USP38: variants seen among roughly 807,000 people sequenced by gnomAD.
USP38 encodes ubiquitin specific peptidase 38.
In USP38, 49 loss-of-function variants were observed where a neutral mutation model predicts 94.3. That is an observed-to-expected ratio of 0.52 (90% CI 0.41 to 0.66). The LOEUF is 0.66. Among genes scored for constraint, USP38 ranks in the 30% least tolerant of loss-of-function variants. The probability of loss-of-function intolerance (pLI) is 0.00; values close to 1 mark genes in which losing one functional copy is unlikely to be tolerated. For synonymous variants in USP38, 468 were observed against 463.6 expected (o/e 1.01, Z -0.12); for missense variants, 1,128 against 1,229.4 (o/e 0.92, Z 1.23).
At chr4:143,188,981 TATG>T (rs1472733084) in intron 2 of USP38, among the ~76,000 whole-genome samples, 1 of 151,956 alleles carries the variant, frequency 6.6e-6, no homozygotes, top group Non-Finnish European at 1.5e-5. Context: ...TTTGATTAAA[TATG>T]ATAAGTAAAA....
intron 2 of USP38, among the ~76,000 whole-genome samples, chr4:143,194,721 T>C (rs988300047): frequency 6.6e-6 from 1 of 152,208 alleles, no homozygotes; most frequent in Non-Finnish European, 1.5e-5. Context: ...TTGGCCAGGC[T>C]GGTCTCGAAC....
In USP38 at chr4:143,220,923, G is replaced by C. The variant is rs1732308657; in HGVS notation, c.*467G>C. 1 of 152,374 alleles carries C rather than the reference G, an allele frequency of 6.6e-6. No individual in the cohort carries two copies. The highest frequency in any genetic ancestry group is 1.5e-5 in the Non-Finnish European group (1 of 68,102). The allele number at this position is 152,374 out of a possible 1,614,324, so 9.4% of individuals were successfully genotyped here. ...TTCAAGTCCTTGAAAATCAACTAGAGATTATAAAGTCTCTAAAGAAGGCAA... is the reference window on the plus strand; with the variant it reads ...TTCAAGTCCTTGAAAATCAACTAGACATTATAAAGTCTCTAAAGAAGGCAA... On this transcript the variant is annotated 3_prime_UTR_variant, in exon 10 of 10. Transcript: ENST00000307017.
chr4:143,187,444 G>T (rs1027341618), intron 1 of USP38, among the ~76,000 whole-genome samples: 1 of 152,014 alleles, frequency 6.6e-6, no homozygotes, highest in African/African-American at 2.4e-5. Context: ...AAGTTATTTT[G>T]GAGGGTCTGA....
At chr4:143,210,802 T>A (rs1178342572) in intron 7 of USP38, among the ~76,000 whole-genome samples, 1 of 152,030 alleles carries the variant, frequency 6.6e-6, no homozygotes. Context: ...ATGGGAATGC[T>A]TTTGTTTTCT....
chr4:143,213,972 G>T lies in USP38; in HGVS notation c.1996G>T (p.Ala666Ser). Reference sequence around the variant, plus strand: ...AGTAGTTTATAATCCAACAACAGCTGCCTTCATCTGTGACTCACTTGTGAA... The same window carrying T: ...AGTAGTTTATAATCCAACAACAGCTTCCTTCATCTGTGACTCACTTGTGAA... Reference protein sequence around the residue: ...EPVVYNPTTAAFICDSLVNEK... With the variant: ...EPVVYNPTTASFICDSLVNEK... The change falls in exon 9 of 10, where the codon GCC becomes TCC. Residue 666 changes from alanine (A) to serine (S), a missense_variant. Ala to Ser is a moderately conservative substitution (Grantham distance 99). Transcript: ENST00000307017. 1 of 1,613,520 alleles carries T rather than the reference G, an allele frequency of 6.2e-7. No homozygotes were observed. Among genetic ancestry groups the T allele is most frequent in the East Asian group, 2.2e-5 (1 of 44,864 alleles).
chr4:143,209,489 C>CAA (rs111830994), intron 6 of USP38, 75 bp from the exon 7 acceptor site: 300 of 698,276 alleles, frequency 4.3e-4, no homozygotes, highest in Non-Finnish European at 4.8e-4. Context: ...AACTCTGTCT[C>CAA]AAAAAAAAAA....
At chr4:143,193,432 A>G (rs1030769815) in intron 2 of USP38, among the ~76,000 whole-genome samples, 17 of 152,334 alleles carry the variant, frequency 1.1e-4, no homozygotes, top group African/African-American at 4.1e-4. Context: ...CTCTGTACAC[A>G]TATGCAAGTG....
intron 7 of USP38, among the ~76,000 whole-genome samples, chr4:143,210,497 G>T (rs1432665336): frequency 1.3e-5 from 2 of 151,850 alleles, no homozygotes; most frequent in Non-Finnish European, 2.9e-5. Flanking sequence ...TGAGATAGGA[G>T]AATTGCTTGA....
chr4:143,188,287 G>GT (rs923967321), intron 2 of USP38, among the ~76,000 whole-genome samples: 4 of 149,646 alleles, frequency 2.7e-5, no homozygotes, highest in Admixed American at 6.7e-5. Context: ...TTTCTTCTGC[G>GT]TTTTTTTTTC....
intron 5 of USP38, chr4:143,204,324 CGAATCTTTACTT>C (rs1156342001): frequency 1.4e-5 from 6 of 439,524 alleles, no homozygotes; most frequent in African/African-American, 1.0e-4. Context: ...ATCAATGTTT[CGAATCTTTACTT>C]GAATTATTTG....
chr4:143,211,093 T>C (rs1732011939), intron 7 of USP38, among the ~76,000 whole-genome samples: 1 of 151,928 alleles, frequency 6.6e-6, no homozygotes, highest in African/African-American at 2.4e-5. Context: ...AATATATATG[T>C]AGGCAGATAT....
At chr4:143,219,457 G>A (rs1732268626) in intron 9 of USP38, among the ~76,000 whole-genome samples, 1 of 152,014 alleles carries the variant, frequency 6.6e-6, no homozygotes, top group South Asian at 2.1e-4. Context: ...TTGAAAAATC[G>A]AAATAATAGT....
In USP38 at chr4:143,189,737, A is replaced by T. The variant is rs567550513; in HGVS notation, c.818+1776A>T. On this transcript the variant is annotated intron_variant, in intron 2 of 9. Coordinates refer to ENST00000307017, the MANE Select transcript of USP38 (RefSeq NM_032557.6). ...GAAGGTGCTTTGTACGTTTGAGAAA[A>T]CTCTTATGTAAATGTTTTTCCTGTT... 2.6e-5 allele frequency among the ~76,000 whole-genome samples: 4 copies of T among 151,342 alleles called. No homozygotes were observed. The East Asian group carries it at 7.8e-4, about 29-fold the overall frequency.
chr4:143,185,285 C>T lies in USP38; in HGVS notation c.-166C>T. The T allele has an allele frequency of 1.3e-6, 1 of 740,778 alleles. No individual in the cohort carries two copies. The allele number at this position is 740,778 out of a possible 1,614,324, so 45.9% of individuals were successfully genotyped here. Reference sequence around the variant, plus strand: ...AGCTCCCGCCCCGGCTTGGATGGGTCTCCCTGCGCCATAAATGTGGCTGCT... The same window carrying T: ...AGCTCCCGCCCCGGCTTGGATGGGTTTCCCTGCGCCATAAATGTGGCTGCT... On this transcript the variant is annotated 5_prime_UTR_variant, in exon 1 of 10. Transcript: ENST00000307017.
Position 143,203,699 on chromosome 4 carries a change from G to C in USP38, c.1209+133G>C, listed in dbSNP as rs149734107. 3.3e-6 allele frequency: 3 copies of C among 917,774 alleles called. No individual in the cohort carries two copies. The East Asian group carries it at 9.3e-5, about 28-fold the overall frequency. The allele number at this position is 917,774 out of a possible 1,614,324, so 56.9% of individuals were successfully genotyped here. ...ATTTGAAAAATGCAGTTAGAATCAG[G>C]TTTCATTTAGGGAGTAACAGCTTTC... On this transcript the variant is annotated intron_variant, in intron 5 of 9. Transcript: ENST00000307017.
At chr4:143,187,079 G>A (rs1350866705) in intron 1 of USP38, among the ~76,000 whole-genome samples, 1 of 152,072 alleles carries the variant, frequency 6.6e-6, no homozygotes, top group African/African-American at 2.4e-5. Flanking sequence ...CAGTATCTGA[G>A]TTGGTTTGTT....
In USP38 at chr4:143,214,073, G is replaced by A. The variant is rs759605079; in HGVS notation, c.2097G>A (p.Lys699=). The change falls in exon 9 of 10, where the codon AAG becomes AAA. Residue 699 remains lysine, a synonymous_variant. Coordinates refer to ENST00000307017, the MANE Select transcript of USP38 (RefSeq NM_032557.6). The stretch of plus-strand genomic sequence containing the variant: ...CTTCTGTCCCTAACGAATCTAACAA[G>A]ATTCTTGTTAATAAAGATGTACCTC... ...ENTSVPNESN[K]ILVNKDVPQK... 17 of 1,613,490 alleles carry A rather than the reference G, an allele frequency of 1.1e-5. 1 individual carries two copies. In the South Asian group the frequency reaches 1.8e-4, roughly 17 times the overall value.
chr4:143,191,554 G>A (rs776800262), intron 2 of USP38, among the ~76,000 whole-genome samples: 4 of 152,298 alleles, frequency 2.6e-5, no homozygotes, highest in Admixed American at 6.5e-5. Flanking sequence ...CATAAATTAC[G>A]ATTAAACCAA....
rs1331898718 is a variant in USP38, at chr4:143,185,640, G to T, written c.190G>T (p.Val64Leu). 2 of 1,614,170 alleles carry T rather than the reference G, an allele frequency of 1.2e-6. No homozygotes were observed. The highest frequency in any genetic ancestry group is 1.7e-6 in the Non-Finnish European group (2 of 1,180,026). Reference sequence around the variant, plus strand: ...TTTCCAGCGGCAGGTGGGGCACCAGGTGCTGGAGGCCTACGCACGATACCA... The same window carrying T: ...TTTCCAGCGGCAGGTGGGGCACCAGTTGCTGGAGGCCTACGCACGATACCA... ...DPFQRQVGHQ[V>L]LEAYARYHRP... The change falls in exon 1 of 10, where the codon GTG becomes TTG. Residue 64 changes from valine (V) to leucine (L), a missense_variant. Val to Leu is a conservative substitution (Grantham distance 32, BLOSUM62 1). Coordinates refer to ENST00000307017, the MANE Select transcript of USP38 (RefSeq NM_032557.6).
Sources: gnomAD v4.1 joint callset for allele counts (sites outside exome capture counted in the v4.1 genomes callset) on GRCh38, gnomAD v4.1.1 for gene constraint, MANE v1.5 for transcripts, NCBI Gene and HGNC (gene_info 2026-07-23, HGNC 2026-07-21) for gene names.